HS6ST2: variants seen among roughly 807,000 people sequenced by gnomAD.
The protein encoded by HS6ST2 is heparan sulfate 6-O-sulfotransferase 2, also known as heparan-sulfate 6-O-sulfotransferase 2.
Under a neutral mutation model 33.0 loss-of-function variants are expected in HS6ST2, and 17 were observed. That is an observed-to-expected ratio of 0.52 (90% CI 0.35 to 0.77). The LOEUF (loss-of-function observed/expected upper bound fraction) is 0.77. Among genes scored for constraint, HS6ST2 ranks in the 30% least tolerant of loss-of-function variants. The pLI, the probability that HS6ST2 is intolerant of heterozygous loss-of-function variation, is 0.01. For synonymous variants in HS6ST2, 248 were observed against 237.1 expected (o/e 1.05, Z -0.42); for missense variants, 519 against 551.7 (o/e 0.94, Z 0.59).
At chrX:132,714,341 A>G (rs1240232161) in intron 2 of HS6ST2, among the ~76,000 whole-genome samples, 2 of 109,136 alleles carry the variant, frequency 1.8e-5, no homozygotes, top group African/African-American at 6.7e-5. Flanking sequence ...TTTTAGAGGG[A>G]GTCTCCCTCT....
At chrX:132,817,123 G>C (rs1398700391) in intron 2 of HS6ST2, among the ~76,000 whole-genome samples, 2 of 110,935 alleles carry the variant, frequency 1.8e-5, no homozygotes, top group Non-Finnish European at 3.8e-5. Flanking sequence ...CCCCATCCTA[G>C]AGACTCAACT....
chrX:132,825,583 A>G (rs1317801473), intron 2 of HS6ST2, among the ~76,000 whole-genome samples: 1 of 111,718 alleles, frequency 9.0e-6, no homozygotes, highest in African/African-American at 3.3e-5. Flanking sequence ...TGCTAGGCCA[A>G]CTTTCTGGAT....
At chrX:132,794,611 G>C (rs1319755943) in intron 2 of HS6ST2, among the ~76,000 whole-genome samples, 2 of 103,211 alleles carry the variant, frequency 1.9e-5, no homozygotes, top group African/African-American at 7.6e-5. Context: ...TATTTGTAGA[G>C]ACTGGGTTTT....
chrX:132,701,647 G>A (rs1270955837), intron 3 of HS6ST2, among the ~76,000 whole-genome samples: 2 of 111,972 alleles, frequency 1.8e-5, no homozygotes, highest in Non-Finnish European at 3.8e-5. Context: ...GACAGGACGG[G>A]AGGTGTGAGA....
At chrX:132,889,867 C>A (rs1022290382) in intron 2 of HS6ST2, among the ~76,000 whole-genome samples, 10 of 111,802 alleles carry the variant, frequency 8.9e-5, no homozygotes, top group Non-Finnish European at 1.5e-4. Flanking sequence ...CTGGAGGCAT[C>A]ACATTGCCTG....
intron 2 of HS6ST2, among the ~76,000 whole-genome samples, chrX:132,875,467 G>A (rs1271217941): frequency 4.5e-5 from 5 of 110,244 alleles, no homozygotes; most frequent in East Asian, 5.8e-4. Context: ...AAAGGCTAGC[G>A]GGCCTTTGTG....
intron 2 of HS6ST2, among the ~76,000 whole-genome samples, chrX:132,920,740 G>A (rs1344497542): frequency 8.9e-6 from 1 of 112,662 alleles, no homozygotes; most frequent in Non-Finnish European, 1.9e-5. Context: ...GGATGCCTGC[G>A]CAGCTAGCTA....
At chrX:132,642,698 C>T (rs1231478450) in intron 4 of HS6ST2, among the ~76,000 whole-genome samples, 1 of 112,059 alleles carries the variant, frequency 8.9e-6, no homozygotes, top group Non-Finnish European at 1.9e-5. Context: ...GAAAAAAACT[C>T]ATCCATCCCC....
chrX:132,938,417 C>T (rs924584052), intron 2 of HS6ST2, among the ~76,000 whole-genome samples: 5 of 109,520 alleles, frequency 4.6e-5, no homozygotes, highest in African/African-American at 1.7e-4. Context: ...TGAGGCAGTA[C>T]ACCACTTGAG....
intron 2 of HS6ST2, among the ~76,000 whole-genome samples, chrX:132,909,042 G>C (rs891055459): frequency 6.5e-5 from 7 of 107,090 alleles, no homozygotes; most frequent in African/African-American, 2.4e-4. Context: ...CCAGGTTTGG[G>C]ATTAGGCACT....
chrX:132,876,550 C>T (rs2066110140), intron 2 of HS6ST2, among the ~76,000 whole-genome samples: 1 of 111,567 alleles, frequency 9.0e-6, no homozygotes, highest in Non-Finnish European at 1.9e-5. Flanking sequence ...AAAGATAAAT[C>T]AGCCACAGGG....
intron 3 of HS6ST2, among the ~76,000 whole-genome samples, chrX:132,685,368 ACTCATG>A (rs1196808056): frequency 2.8e-4 from 31 of 111,769 alleles, no homozygotes; most frequent in Non-Finnish European, 4.5e-4. Context: ...GTAAATTTAC[ACTCATG>A]AAGGATGCTA....
At chrX:132,945,951 T>C (rs1031329748) in intron 2 of HS6ST2, among the ~76,000 whole-genome samples, 3 of 110,523 alleles carry the variant, frequency 2.7e-5, no homozygotes, top group African/African-American at 9.9e-5. Context: ...TATACATATG[T>C]AACAAACCTG....
chrX:132,920,547 T>A (rs2066641646), intron 2 of HS6ST2, among the ~76,000 whole-genome samples: 1 of 112,158 alleles, frequency 8.9e-6, no homozygotes, highest in Non-Finnish European at 1.9e-5. Context: ...AAAAGCAACA[T>A]GAGCAAGGGA....
At chrX:132,860,770 T>C (rs74781298) in intron 2 of HS6ST2, among the ~76,000 whole-genome samples, 13,022 of 96,988 alleles carry the variant, frequency 0.13, 900 homozygotes, top group East Asian at 0.29. Flanking sequence ...TCCTTAGGCA[T>C]GTGTATCTTT....
chrX:132,931,840 C>T (rs1466172414), intron 2 of HS6ST2, among the ~76,000 whole-genome samples: 2 of 111,358 alleles, frequency 1.8e-5, no homozygotes, highest in Non-Finnish European at 3.8e-5. Flanking sequence ...AAAGAACCAG[C>T]AAAGAAGAGC....
Position 132,777,363 on chromosome X carries a change from A to T in HS6ST2, c.948-68869T>A, listed in dbSNP as rs182268821. 2.7e-5 allele frequency among the ~76,000 whole-genome samples: 3 copies of T among 109,970 alleles called. No individual in the cohort carries two copies. The East Asian group carries it at 8.6e-4, about 32-fold the overall frequency. Reference sequence around the variant, plus strand: ...ATCTGGTTGAGTAAAAAGAAAAAAAATAAGTTAAAATGATGCATTTGGCTT... The same window carrying T: ...ATCTGGTTGAGTAAAAAGAAAAAAATTAAGTTAAAATGATGCATTTGGCTT... On this transcript the variant is annotated intron_variant, in intron 2 of 4. Transcript: ENST00000370833.
intron 2 of HS6ST2, among the ~76,000 whole-genome samples, chrX:132,795,640 G>C (rs1311024175): frequency 9.0e-6 from 1 of 111,270 alleles, no homozygotes; most frequent in Non-Finnish European, 1.9e-5. Flanking sequence ...GAGTTTCACT[G>C]TGTCCCTCAG....
intron 2 of HS6ST2, among the ~76,000 whole-genome samples, chrX:132,779,704 T>C (rs1010045416): frequency 1.8e-5 from 2 of 109,159 alleles, no homozygotes; most frequent in Admixed American, 9.6e-5. Flanking sequence ...ATAATAATGA[T>C]GAAAAATCAG....
Sources: allele counts gnomAD v4.1 joint callset (sites outside exome capture counted in the v4.1 genomes callset), GRCh38; gene constraint gnomAD v4.1.1; transcripts MANE v1.5; gene names NCBI Gene and HGNC (gene_info 2026-07-23, HGNC 2026-07-21).